The following POLR1B variants were observed in gnomAD, a reference collection of about 807,000 sequenced individuals.
POLR1B encodes RNA polymerase I subunit B.
Under a neutral mutation model 105.8 loss-of-function variants are expected in POLR1B, and 30 were observed. That is an observed-to-expected ratio of 0.28 (90% CI 0.21 to 0.38). POLR1B has a LOEUF of 0.38. POLR1B is among the 10% of genes least tolerant of loss of function. The pLI, the probability that POLR1B is intolerant of heterozygous loss-of-function variation, is 1.00. For synonymous variants in POLR1B, 485 were observed against 505.1 expected, an observed-to-expected ratio of 0.96 and a Z score of 0.53; for missense variants, 976 against 1,435.8, an observed-to-expected ratio of 0.68 and a Z score of 5.17.
intron 10 of POLR1B, among the ~76,000 whole-genome samples, chr2:112,565,275 C>A (rs1365201863): frequency 2.6e-5 from 4 of 152,044 alleles, no homozygotes; most frequent in Non-Finnish European, 5.9e-5. Context: ...GTACATGGGA[C>A]CCCCCTGTAT....
intron 4 of POLR1B, 71 bp downstream of exon 4, chr2:112,549,470 C>T (rs1485209345): frequency 1.7e-6 from 2 of 1,148,330 alleles, no homozygotes; most frequent in African/African-American, 1.6e-5. Context: ...GAAGTAGATG[C>T]ATCCAAATGG....
rs34159868 is a variant in POLR1B, at chr2:112,564,415, C to T, written c.1662C>T (p.Tyr554=). ...GAPHRSYSEC[Y]PVLLDGVMVG... is the part of the protein sequence containing the mutation. ...CCCACCGATCATACAGTGAGTGCTA[C>T]CCTGTCCTGCTGGACGGTGTCATGG... is the stretch of plus-strand genomic sequence containing the variant. The change falls in exon 10 of 15, where the codon TAC becomes TAT. Residue 554 remains tyrosine, a synonymous_variant. Transcript: ENST00000263331. 1.4e-4 allele frequency: 233 copies of T among 1,614,236 alleles called. No individual in the cohort carries two copies. In the African/African-American group the frequency reaches 2.9e-3, roughly 20 times the overall value.
intron 10 of POLR1B, among the ~76,000 whole-genome samples, chr2:112,567,014 A>G (rs550900118): frequency 1.2e-4 from 18 of 152,022 alleles, no homozygotes; most frequent in Non-Finnish European, 2.5e-4. Context: ...TTTTTTATAG[A>G]GAATTTATTT....
In POLR1B at chr2:112,579,073, TGGC is replaced by T. The variant is rs1684984252; in HGVS notation, c.*3345_*3347del. Among the ~76,000 whole-genome samples the T allele has an allele frequency of 6.6e-6, 1 of 151,878 alleles. No homozygotes were observed. Among genetic ancestry groups the T allele is most frequent in the Non-Finnish European group, 1.5e-5 (1 of 67,950 alleles). ...AAATACAAAAATTAGCTGGGTGTGATGGCACACGCCTGTAATCCCAGCTACTCA... is the reference window on the plus strand; with the variant it reads ...AAATACAAAAATTAGCTGGGTGTGATACACGCCTGTAATCCCAGCTACTCA... On this transcript the variant is annotated 3_prime_UTR_variant, in exon 15 of 15. Coordinates refer to ENST00000263331, the MANE Select transcript of POLR1B (RefSeq NM_019014.6).
intron 13 of POLR1B, 43 bp from the exon 14 acceptor site, chr2:112,573,519 C>G: frequency 6.4e-7 from 1 of 1,569,338 alleles, no homozygotes. Flanking sequence ...TTTTGAAAAT[C>G]CTCAATTGGC....
chr2:112,548,331 C>T (rs1190918205), intron 3 of POLR1B: 5 of 152,146 alleles, frequency 3.3e-5, no homozygotes, highest in African/African-American at 2.4e-5. Context: ...GCCTCAGTTT[C>T]CTCTGCTGCA....
intron 1 of POLR1B, 70 bp downstream of exon 1, chr2:112,542,741 A>G (rs1574083047): frequency 6.4e-7 from 1 of 1,567,912 alleles, no homozygotes; most frequent in Non-Finnish European, 8.7e-7. Flanking sequence ...GGGAGGTCAC[A>G]GTATGACCCC....
At chr2:112,573,974 T>C (rs1684733272) in intron 14 of POLR1B, among the ~76,000 whole-genome samples, 159 bp downstream of exon 14, 1 of 152,020 alleles carries the variant, frequency 6.6e-6, no homozygotes, top group Non-Finnish European at 1.5e-5. Flanking sequence ...AGCCTTTGAG[T>C]AGCTGGGACT....
At chr2:112,542,444 CTG>C, upstream of POLR1B, 2 of 1,328,154 alleles carry the variant, frequency 1.5e-6, no homozygotes, top group Non-Finnish European at 2.0e-6. Flanking sequence ...TACCGAGAGA[CTG>C]GCGTCCGGCG....
intron 9 of POLR1B, among the ~76,000 whole-genome samples, chr2:112,563,637 C>T (rs982320695): frequency 1.3e-5 from 2 of 152,156 alleles, no homozygotes; most frequent in Non-Finnish European, 2.9e-5. Flanking sequence ...GTGGCTTAGG[C>T]CTGTAATTCC....
At chr2:112,568,609 T>C in intron 11 of POLR1B, 137 bp from the exon 12 acceptor site, 2 of 928,140 alleles carry the variant, frequency 2.2e-6, no homozygotes, top group Non-Finnish European at 3.2e-6. Context: ...TGCTTCCCAG[T>C]TGATCCCTTC....
intron 11 of POLR1B, 90 bp from the exon 12 acceptor site, chr2:112,568,656 G>C: frequency 7.0e-7 from 1 of 1,433,630 alleles, no homozygotes; most frequent in Non-Finnish European, 9.6e-7. Context: ...GTTTTCTCTT[G>C]AGTCTTTGAG....
rs1279780360 is a variant in POLR1B, at chr2:112,577,937, C to T, written c.*2208C>T. On this transcript the variant is annotated 3_prime_UTR_variant, in exon 15 of 15. Coordinates refer to ENST00000263331, the MANE Select transcript of POLR1B (RefSeq NM_019014.6). ...TGGTTGAGAAGAAGAAGGAAAAAGT[C>T]GATTCTACTGACTGACGTTTCCCCC... is the stretch of plus-strand genomic sequence containing the variant. Among the ~76,000 whole-genome samples the T allele has an allele frequency of 6.6e-6, 1 of 151,818 alleles. No individual in the cohort carries two copies. Among genetic ancestry groups the T allele is most frequent in the African/African-American group, 2.4e-5 (1 of 41,282 alleles).
In POLR1B at chr2:112,550,476, G is replaced by A. The variant is rs1036988368; in HGVS notation, c.626-390G>A. On this transcript the variant is annotated intron_variant, in intron 4 of 14. Transcript: ENST00000263331. ...CATCAGTTGATGGTAGTATGTCTTA[G>A]CAGTCTTTGCCTGAAACTGAAATAA... Among the ~76,000 whole-genome samples the A allele has an allele frequency of 2.6e-5, 4 of 152,188 alleles. No individual in the cohort carries two copies. The East Asian group carries it at 5.8e-4, about 22-fold the overall frequency.
At position 112,547,062 on chromosome 2, in the gene POLR1B, T is replaced by A; in HGVS notation, c.228T>A (p.Thr76=). The A allele has an allele frequency of 6.2e-7, 1 of 1,614,218 alleles. No individual in the cohort carries two copies. Among genetic ancestry groups the A allele is most frequent in the South Asian group, 1.1e-5 (1 of 91,082 alleles). The change falls in exon 2 of 15, where the codon ACT becomes ACA. Residue 76 remains threonine, a synonymous_variant. Coordinates refer to ENST00000263331, the MANE Select transcript of POLR1B (RefSeq NM_019014.6). The stretch of plus-strand genomic sequence containing the variant: ...TCAAAGATGAGCGTATCTCTTTTAC[T>A]ATTCTGGATGCTGTTATCAGTCCAC... ...FAFKDERISF[T]ILDAVISPPT... is the part of the protein sequence containing the mutation.
At chr2:112,573,924 A>G in intron 14 of POLR1B, 109 bp downstream of exon 14, 2 of 1,300,018 alleles carry the variant, frequency 1.5e-6, no homozygotes, top group Non-Finnish European at 2.1e-6. Flanking sequence ...TCAGCTCACT[A>G]CAACCACCAC....
At chr2:112,545,289 CAG>C (rs1192256500) in intron 1 of POLR1B, among the ~76,000 whole-genome samples, 1 of 152,114 alleles carries the variant, frequency 6.6e-6, no homozygotes, top group Non-Finnish European at 1.5e-5. Flanking sequence ...TGTCCTTAAA[CAG>C]AAACCCACAT....
rs1190759160 is a variant in POLR1B, at chr2:112,575,474, T to C, written c.3153T>C (p.Ser1051=). Residue 1051 remains serine, a synonymous_variant, in exon 15 of 15, where the codon TCT becomes TCC. Coordinates refer to ENST00000263331, the MANE Select transcript of POLR1B (RefSeq NM_019014.6). This position sits in a 1 kb window ranked among gnomAD's most constrained non-coding sequence, Gnocchi z 5.3. ...ATGCGCTTTTAGCTCATGGTACATC[T>C]TTTCTCCTTCATGACCGCCTCTTCA... The part of the protein sequence containing the change: ...ERDALLAHGT[S]FLLHDRLFNC... 1.2e-6 allele frequency: 2 copies of C among 1,614,072 alleles called. No homozygotes were observed. The highest frequency in any genetic ancestry group is 2.7e-5 in the African/African-American group (2 of 74,904).
chr2:112,561,892 G>A (rs774711860), intron 9 of POLR1B, among the ~76,000 whole-genome samples: 10 of 152,086 alleles, frequency 6.6e-5, no homozygotes, highest in Admixed American at 5.9e-4. Context: ...GGCTGGTCTC[G>A]AACTCCTGGC....
Sources: allele counts gnomAD v4.1 joint callset (sites outside exome capture counted in the v4.1 genomes callset), GRCh38; gene constraint gnomAD v4.1.1; non-coding constraint Gnocchi (gnomAD v3.1); transcripts MANE v1.5; gene names NCBI Gene and HGNC (gene_info 2026-07-23, HGNC 2026-07-21).